RPN2: variants seen among roughly 807,000 people sequenced by gnomAD.
RPN2 encodes dolichyl-diphosphooligosaccharide--protein glycosyltransferase subunit 2.
Under a neutral mutation model 71.4 loss-of-function variants are expected in RPN2, and 29 were observed. The observed-to-expected ratio is 0.41, with a 90% CI of 0.30 to 0.55. RPN2 has a LOEUF of 0.55. Ranked by LOEUF, RPN2 falls within the 20% of genes least tolerant of loss-of-function variation. RPN2 has a pLI of 0.35. For synonymous variants in RPN2, 308 were observed against 305.0 expected (o/e 1.01, Z -0.10); for missense variants, 726 against 774.1 (o/e 0.94, Z 0.74).
chr20:37,216,255 C>T (rs1366419180), intron 9 of RPN2, among the ~76,000 whole-genome samples: 1 of 152,070 alleles, frequency 6.6e-6, no homozygotes, highest in Non-Finnish European at 1.5e-5. Context: ...AGGAGAATCG[C>T]TTGAACCTGG....
chr20:37,184,113 A>T, intron 1 of RPN2, 67 bp from the exon 2 acceptor site: 1 of 1,580,006 alleles, frequency 6.3e-7, no homozygotes. Flanking sequence ...GGTGTGCATC[A>T]TCATTGGGAC....
At chr20:37,202,455 A>T (rs1040359352) in intron 4 of RPN2, among the ~76,000 whole-genome samples, 2 of 152,116 alleles carry the variant, frequency 1.3e-5, no homozygotes, top group Non-Finnish European at 2.9e-5. Context: ...TGACATATTG[A>T]CTTGATAAGT....
chr20:37,199,134 G>A lies in RPN2; in HGVS notation c.388G>A (p.Ala130Thr). 1.2e-6 allele frequency: 2 copies of A among 1,614,174 alleles called. No homozygotes were observed. The highest frequency in any genetic ancestry group is 1.1e-5 in the South Asian group (1 of 91,082). The change falls in exon 4 of 17, where the codon GCA becomes ACA. Residue 130 changes from alanine to threonine, a missense_variant. By Grantham distance (58) the Ala-to-Thr change is moderately conservative. Coordinates refer to ENST00000237530, the MANE Select transcript of RPN2 (RefSeq NM_002951.5). ...TGTTACCCAGATCTACCATGCAGTT[G>A]CAGCTCTAAGTGGCTTTGGCCTTCC... ...SSVTQIYHAV[A>T]ALSGFGLPLA...
chr20:37,205,224 C>T (rs561374986), intron 6 of RPN2, among the ~76,000 whole-genome samples: 10 of 151,898 alleles, frequency 6.6e-5, no homozygotes, highest in Non-Finnish European at 1.2e-4. Context: ...TGCTTGTCGC[C>T]TGAATGCTTT....
intron 2 of RPN2, among the ~76,000 whole-genome samples, chr20:37,194,318 G>A (rs1371959996): frequency 1.3e-5 from 2 of 152,110 alleles, no homozygotes; most frequent in Admixed American, 6.6e-5. Context: ...CTGGAGTGCT[G>A]TGGCTCGATC....
chr20:37,236,582 A>G lies in RPN2; in HGVS notation c.1756A>G (p.Met586Val), dbSNP rs1569002345. The change falls in exon 16 of 17, where the codon ATG becomes GTG. Residue 586 changes from methionine to valine, a missense_variant and splice_region_variant. Physicochemically the swap from Met to Val is conservative, Grantham distance 21. Coordinates refer to ENST00000237530, the MANE Select transcript of RPN2 (RefSeq NM_002951.5). ...TGTCATGACACCTCTTCTTGCAGCT[A>G]TGCTGGGACTCATGTATGTCTACTG... Reference protein sequence around the residue: ...TIIFHLGHAAMLGLMYVYWTQ... With the variant: ...TIIFHLGHAAVLGLMYVYWTQ... 6.2e-7 allele frequency: 1 copy of G among 1,614,144 alleles called. No homozygotes were observed.
At chr20:37,209,648 CTT>C (rs776695197) in intron 7 of RPN2, among the ~76,000 whole-genome samples, 1 of 145,524 alleles carries the variant, frequency 6.9e-6, no homozygotes. Flanking sequence ...ATTTAAAAAA[CTT>C]TTTTTTTTTT....
intron 9 of RPN2, among the ~76,000 whole-genome samples, chr20:37,221,009 C>T (rs548186560): frequency 6.6e-6 from 1 of 152,250 alleles, no homozygotes; most frequent in South Asian, 2.1e-4. Context: ...TTGCTCACTC[C>T]ATGTATCTGC....
intron 1 of RPN2, among the ~76,000 whole-genome samples, chr20:37,182,843 C>G (rs2066917326): frequency 6.6e-6 from 1 of 152,184 alleles, no homozygotes; most frequent in Non-Finnish European, 1.5e-5. Flanking sequence ...GCAGCCCATT[C>G]AAAAGTGTTT....
chr20:37,225,570 A>T (rs1187847351), intron 10 of RPN2, 118 bp from the exon 11 acceptor site: 1 of 747,298 alleles, frequency 1.3e-6, no homozygotes, highest in Non-Finnish European at 2.4e-6. Context: ...TCTGTCCACA[A>T]CAGAAGTGTT....
chr20:37,195,731 G>C (rs955154389), intron 2 of RPN2, among the ~76,000 whole-genome samples: 1 of 152,130 alleles, frequency 6.6e-6, no homozygotes, highest in Non-Finnish European at 1.5e-5. Context: ...TAAAGCACCA[G>C]ATGGCGACAA....
chr20:37,229,732 A>G (rs141140882), intron 12 of RPN2: 97 of 562,742 alleles, frequency 1.7e-4, no homozygotes, highest in African/African-American at 1.6e-3. Context: ...AAGCAGCTCT[A>G]TGGGGCTACT....
intron 11 of RPN2, among the ~76,000 whole-genome samples, chr20:37,227,882 C>T (rs1192672517): frequency 6.6e-6 from 1 of 152,256 alleles, no homozygotes; most frequent in Non-Finnish European, 1.5e-5. Context: ...CCGTTCCCTG[C>T]ACTAATGCTT....
At position 37,228,745 on chromosome 20, in the gene RPN2, G is replaced by T; in HGVS notation, c.1494+1G>T. On this transcript the variant is annotated splice_donor_variant, in intron 12 of 16. Transcript: ENST00000237530. LOFTEE classifies it high-confidence loss of function. ...GAAGAACCCAATCCTCTGGAATGTGGTATGTGCCTGAATGTACCCCGACCC... is the reference window on the plus strand; with the variant it reads ...GAAGAACCCAATCCTCTGGAATGTGTTATGTGCCTGAATGTACCCCGACCC... 6.2e-7 allele frequency: 1 copy of T among 1,614,054 alleles called. No individual in the cohort carries two copies. Among genetic ancestry groups the T allele is most frequent in the Non-Finnish European group, 8.5e-7 (1 of 1,180,004 alleles).
At position 37,233,240 on chromosome 20, in the gene RPN2, C is replaced by T. The variant is rs141023246; in HGVS notation, c.1678-780C>T. Among the ~76,000 whole-genome samples the T allele has an allele frequency of 2.7e-3, 408 of 151,826 alleles. 4 individuals carry two copies. Among genetic ancestry groups the T allele is most frequent in the African/African-American group, 9.2e-3 (383 of 41,408 alleles). On this transcript the variant is annotated intron_variant, in intron 14 of 16. Transcript: ENST00000237530. ...AAAAATAAAAATAAGTTTTAAAAGG[C>T]GATATGTGTTAGTGTTGGTCATCTC...
At chr20:37,222,290 A>G (rs957535252) in intron 9 of RPN2, among the ~76,000 whole-genome samples, 4 of 152,190 alleles carry the variant, frequency 2.6e-5, no homozygotes, top group Non-Finnish European at 2.9e-5. Flanking sequence ...CCTAGACTCA[A>G]TGACAGGCAA....
At chr20:37,195,227 T>G (rs1189023806) in intron 2 of RPN2, among the ~76,000 whole-genome samples, 2 of 152,212 alleles carry the variant, frequency 1.3e-5, no homozygotes, top group Non-Finnish European at 2.9e-5. Flanking sequence ...GTGGGCTCAC[T>G]GAGCAGGCTG....
chr20:37,187,501 C>CAAAAAAAAAAA (rs532495023), intron 2 of RPN2, among the ~76,000 whole-genome samples: 2 of 8,732 alleles, frequency 2.3e-4, no homozygotes, highest in African/African-American at 1.5e-3. Flanking sequence ...GACTCCGTCT[C>CAAAAAAAAAAA]AAAAAAAAAA....
chr20:37,181,396 C>T (rs1399211196), intron 1 of RPN2, among the ~76,000 whole-genome samples: 2 of 151,640 alleles, frequency 1.3e-5, no homozygotes, highest in Non-Finnish European at 2.9e-5. Flanking sequence ...TGTACATACT[C>T]CTGATTCAGA....
Sources: gnomAD v4.1 joint callset for allele counts (sites outside exome capture counted in the v4.1 genomes callset) on GRCh38, gnomAD v4.1.1 for gene constraint, MANE v1.5 for transcripts, NCBI Gene and HGNC (gene_info 2026-07-23, HGNC 2026-07-21) for gene names.